Variants in SHISA9 observed in about 807,000 individuals in gnomAD.
SHISA9 encodes the protein protein shisa-9.
SHISA9 carries 13 observed loss-of-function variants against 38.0 expected under a neutral mutation model. The ratio of observed to expected loss-of-function variants is 0.34; its 90% CI spans 0.22 to 0.54. The LOEUF is 0.54. SHISA9 is among the 20% of genes least tolerant of loss of function. The pLI, the probability that SHISA9 is intolerant of heterozygous loss-of-function variation, is 0.91. For synonymous variants in SHISA9, 275 were observed against 242.0 expected, an observed-to-expected ratio of 1.14 and a Z score of -1.27; for missense variants, 538 against 575.8, an observed-to-expected ratio of 0.93 and a Z score of 0.67.
intron 2 of SHISA9, among the ~76,000 whole-genome samples, chr16:12,982,427 CA>C (rs1596563750): frequency 6.6e-6 from 1 of 152,214 alleles, no homozygotes; most frequent in African/African-American, 2.4e-5. Context: ...TATTGCCTCT[CA>C]AGTAAATGAT....
At chr16:13,331,537 G>C in the SHISA9 span, 11 of 152,128 alleles carry the variant, frequency 7.2e-5, no homozygotes, top group Admixed American at 2.0e-4. Context: ...CTTACAAAAT[G>C]ACTTAAGTTC....
At chr16:13,338,239 A>T in the SHISA9 span, among the ~76,000 whole-genome samples, 1 of 152,252 alleles carries the variant, frequency 6.6e-6, no homozygotes, top group East Asian at 1.9e-4. Flanking sequence ...ATCCAGCCAC[A>T]CCTGAAGCTT....
the SHISA9 span, among the ~76,000 whole-genome samples, chr16:13,435,842 G>C: frequency 2.0e-5 from 3 of 152,214 alleles, no homozygotes; most frequent in Non-Finnish European, 4.4e-5. Flanking sequence ...TCTAAAGTGT[G>C]AGGAAATGTG....
At chr16:13,122,078 C>A (rs1567219546) in intron 2 of SHISA9, among the ~76,000 whole-genome samples, 1 of 152,198 alleles carries the variant, frequency 6.6e-6, no homozygotes, top group Non-Finnish European at 1.5e-5. Flanking sequence ...CAGCCCATTG[C>A]AGGAGTCCAT....
intron 2 of SHISA9, among the ~76,000 whole-genome samples, chr16:13,065,455 G>C (rs189521652): frequency 1.3e-5 from 2 of 152,322 alleles, no homozygotes; most frequent in Non-Finnish European, 2.9e-5. Flanking sequence ...GCCACGTTTA[G>C]GGCATGACAA....
chr16:13,054,710 T>G (rs2141902924), intron 2 of SHISA9, among the ~76,000 whole-genome samples: 1 of 152,348 alleles, frequency 6.6e-6, no homozygotes, highest in South Asian at 2.1e-4. Flanking sequence ...TAGAGGCAGA[T>G]GCTTAGAATA....
intron 4 of SHISA9, among the ~76,000 whole-genome samples, chr16:13,226,617 T>A (rs1027988681): frequency 6.6e-6 from 1 of 152,208 alleles, no homozygotes; most frequent in Non-Finnish European, 1.5e-5. Flanking sequence ...TTGCTGAGCA[T>A]AGCAACCATT....
chr16:13,430,563 A>G, the SHISA9 span, among the ~76,000 whole-genome samples: 2 of 152,240 alleles, frequency 1.3e-5, no homozygotes, highest in Non-Finnish European at 2.9e-5. Flanking sequence ...ACATCTGATG[A>G]AAGAATACTT....
chr16:12,912,513 C>G (rs986675384), intron 1 of SHISA9, among the ~76,000 whole-genome samples: 2 of 152,126 alleles, frequency 1.3e-5, no homozygotes, highest in Non-Finnish European at 2.9e-5. Context: ...GAAACATGCA[C>G]AAACACAATT....
intron 2 of SHISA9, among the ~76,000 whole-genome samples, chr16:13,137,496 A>T (rs2050360318): frequency 1.3e-5 from 2 of 151,234 alleles, no homozygotes; most frequent in Non-Finnish European, 1.5e-5. Flanking sequence ...TCAATCTGTT[A>T]CCAGGCTGGA....
At chr16:13,148,434 A>G (rs1281268317) in intron 2 of SHISA9, among the ~76,000 whole-genome samples, 1 of 152,044 alleles carries the variant, frequency 6.6e-6, no homozygotes, top group Non-Finnish European at 1.5e-5. Context: ...CATATAGCAC[A>G]TAACTGCATC....
At chr16:13,406,790 C>T in the SHISA9 span, among the ~76,000 whole-genome samples, 8 of 152,248 alleles carry the variant, frequency 5.3e-5, no homozygotes, top group East Asian at 7.7e-4. Flanking sequence ...GACCACAGGT[C>T]GGGTGCGGTG....
chr16:13,149,933 GAA>G (rs368916084), intron 2 of SHISA9, among the ~76,000 whole-genome samples: 13 of 74,630 alleles, frequency 1.7e-4, no homozygotes, highest in African/African-American at 5.3e-4. Context: ...TCAAAAAAAA[GAA>G]AAAAAAAAAG....
chr16:13,320,611 C>G, the SHISA9 span, among the ~76,000 whole-genome samples: 1 of 152,184 alleles, frequency 6.6e-6, no homozygotes, highest in Non-Finnish European at 1.5e-5. Context: ...ATAGTAGGGT[C>G]TCCTCTGGAC....
chr16:13,162,188 G>C (rs546597666), intron 2 of SHISA9, among the ~76,000 whole-genome samples: 1 of 152,280 alleles, frequency 6.6e-6, no homozygotes, highest in African/African-American at 2.4e-5. Flanking sequence ...GGGGGTGGGA[G>C]ACAGCTTTCT....
chr16:13,327,208 G>A, the SHISA9 span, among the ~76,000 whole-genome samples: 1 of 152,132 alleles, frequency 6.6e-6, no homozygotes, highest in Non-Finnish European at 1.5e-5. Flanking sequence ...CGCTGCACTA[G>A]AAGTGTAAGC....
the SHISA9 span, among the ~76,000 whole-genome samples, chr16:13,269,730 A>G: frequency 2.0e-5 from 3 of 152,212 alleles, no homozygotes; most frequent in Non-Finnish European, 4.4e-5. Context: ...GGTGGTATGG[A>G]TAAAGAGAAA....
chr16:13,214,555 C>A (rs16961369), intron 4 of SHISA9, among the ~76,000 whole-genome samples: 40,948 of 151,994 alleles, frequency 0.27, 6,360 homozygotes, highest in African/African-American at 0.43. Flanking sequence ...GAGACATTGC[C>A]AGGATATCAG....
the SHISA9 span, among the ~76,000 whole-genome samples, chr16:13,329,051 C>T: frequency 6.6e-6 from 1 of 152,100 alleles, no homozygotes; most frequent in East Asian, 1.9e-4. Flanking sequence ...ATGGCGCCTC[C>T]ATCTTCCCTT....
Sources: allele counts gnomAD v4.1 joint callset (sites outside exome capture counted in the v4.1 genomes callset), GRCh38; gene constraint gnomAD v4.1.1; transcripts MANE v1.5; gene names NCBI Gene and HGNC (gene_info 2026-07-23, HGNC 2026-07-21).